HEATR4: variants seen among roughly 807,000 people sequenced by gnomAD.
HEATR4 encodes HEAT repeat containing 4, also known as HEAT repeat-containing protein 4.
Under a neutral mutation model 108.8 loss-of-function variants are expected in HEATR4, and 95 were observed. The ratio of observed to expected loss-of-function variants is 0.87; its 90% CI spans 0.74 to 1.04. The LOEUF (loss-of-function observed/expected upper bound fraction) is 1.04, where lower values mean the gene tolerates loss of function less well. HEATR4 is among the 50% of genes least tolerant of loss of function. The pLI is 0.00. For missense variants in HEATR4, 1,152 were observed against 1,253.8 expected, an observed-to-expected ratio of 0.92 and a Z score of 1.23; for synonymous variants, 443 against 459.4, an observed-to-expected ratio of 0.96 and a Z score of 0.46.
At chr14:73,481,538 G>C (rs1232356840) in intron 17 of HEATR4, among the ~76,000 whole-genome samples, 2 of 149,042 alleles carry the variant, frequency 1.3e-5, no homozygotes, top group Non-Finnish European at 3.0e-5. Flanking sequence ...AAAAGACAAA[G>C]CTATAGAGAT....
chr14:73,513,075 A>G (rs1453654729), intron 6 of HEATR4, among the ~76,000 whole-genome samples: 1 of 152,238 alleles, frequency 6.6e-6, no homozygotes, highest in Admixed American at 6.5e-5. Flanking sequence ...TGCTGATACC[A>G]TAGTCAACTA....
chr14:73,556,926 C>A lies in HEATR4; in HGVS notation c.-152+1825G>T, dbSNP rs1228543652. The stretch of plus-strand genomic sequence containing the variant: ...TACTCAGCAATTAAAAGAGAGGGTG[C>A]TTAGAGAAGAAAGAAAGGACTTATT... On this transcript the variant is annotated intron_variant, in intron 1 of 17. Transcript: ENST00000553558. Among the ~76,000 whole-genome samples, 2 of 112,832 alleles carry A rather than the reference C, an allele frequency of 1.8e-5. 1 individual carries two copies. The highest frequency in any genetic ancestry group is 3.9e-5 in the Non-Finnish European group (2 of 51,686). The allele number at this position is 112,832 out of a possible 152,430, so 74.0% of individuals were successfully genotyped here. A position where few individuals can be genotyped will look rare whatever the true frequency, so the allele number is the denominator to read the frequency against.
chr14:73,589,950 G>C, the HEATR4 span, among the ~76,000 whole-genome samples: 2 of 152,146 alleles, frequency 1.3e-5, no homozygotes, highest in Non-Finnish European at 2.9e-5. Context: ...CTCCTGGTGA[G>C]TTCGTGGTCT....
At chr14:73,574,219 G>A in the HEATR4 span, 4 of 157,548 alleles carry the variant, frequency 2.5e-5, no homozygotes, top group South Asian at 7.2e-4. Flanking sequence ...TTTCCTGCTA[G>A]TAAAGAGATT....
rs74809344 is a variant in HEATR4 at position 73,531,565 on chromosome 14, C to T, written c.-151-1321G>A. Reference sequence around the variant, plus strand: ...CCTCCCATTACAGGCCACACCACCACGCCCCACTAATTGTTGTACTTTTAG... The same window carrying T: ...CCTCCCATTACAGGCCACACCACCATGCCCCACTAATTGTTGTACTTTTAG... On this transcript the variant is annotated intron_variant, in intron 1 of 17. Coordinates refer to ENST00000553558, the MANE Select transcript of HEATR4 (RefSeq NM_001220484.1). Among the ~76,000 whole-genome samples, 10 of 108,420 alleles carry T rather than the reference C, an allele frequency of 9.2e-5. 3 individuals carry two copies. The highest frequency in any genetic ancestry group is 7.8e-4 in the East Asian group (1 of 1,274). The allele number at this position is 108,420 out of a possible 152,430, so 71.1% of individuals were successfully genotyped here.
At chr14:73,613,004 C>G in the HEATR4 span, 1 of 969,180 alleles carries the variant, frequency 1.0e-6, no homozygotes, top group African/African-American at 1.7e-5. Flanking sequence ...GGGCCCGGTG[C>G]GCGCCGCGCT....
chr14:73,576,812 A>AG, the HEATR4 span, among the ~76,000 whole-genome samples: 4 of 148,820 alleles, frequency 2.7e-5, no homozygotes, highest in African/African-American at 9.8e-5. Context: ...AAAAAAAAAA[A>AG]AAAAAAAAGA....
At chr14:73,564,338 G>A in the HEATR4 span, among the ~76,000 whole-genome samples, 1 of 151,254 alleles carries the variant, frequency 6.6e-6, no homozygotes, top group African/African-American at 2.4e-5. Flanking sequence ...GGCCCAGTGT[G>A]GTGGCTCTTG....
intron 1 of HEATR4, among the ~76,000 whole-genome samples, chr14:73,544,157 G>A (rs1216138689): frequency 8.7e-6 from 1 of 114,376 alleles, no homozygotes; most frequent in African/African-American, 2.8e-5. Flanking sequence ...AGCCGGGCGT[G>A]GTGGCGCATG....
chr14:73,611,864 G>A, the HEATR4 span, among the ~76,000 whole-genome samples: 1 of 152,124 alleles, frequency 6.6e-6, no homozygotes, highest in East Asian at 1.9e-4. Flanking sequence ...AAGGGACTGA[G>A]GGGTAAAGGA....
the HEATR4 span, among the ~76,000 whole-genome samples, chr14:73,580,114 A>G: frequency 1.9e-4 from 29 of 151,982 alleles, no homozygotes; most frequent in African/African-American, 6.7e-4. Flanking sequence ...TAAAAAGTAT[A>G]CAAAGTGATG....
intron 12 of HEATR4, among the ~76,000 whole-genome samples, chr14:73,499,874 C>T (rs1886331907): frequency 6.6e-6 from 1 of 152,120 alleles, no homozygotes; most frequent in African/African-American, 2.4e-5. Flanking sequence ...CCAAGCTTGT[C>T]CAACATGTGG....
chr14:73,625,096 G>C, the HEATR4 span, among the ~76,000 whole-genome samples: 1 of 151,992 alleles, frequency 6.6e-6, no homozygotes, highest in Non-Finnish European at 1.5e-5. Flanking sequence ...GTCTTGCTCT[G>C]TTGCCAGGCT....
the HEATR4 span, among the ~76,000 whole-genome samples, chr14:73,597,375 T>G: frequency 4.2e-4 from 63 of 151,660 alleles, 1 homozygote; most frequent in East Asian, 9.6e-3. Flanking sequence ...TGAGCCACCA[T>G]GCCCGGCCAT....
the HEATR4 span, among the ~76,000 whole-genome samples, chr14:73,598,727 G>A: frequency 6.6e-6 from 1 of 152,140 alleles, no homozygotes; most frequent in African/African-American, 2.4e-5. Context: ...ATTAGGCCAG[G>A]CATTGTGGCT....
the HEATR4 span, chr14:73,619,157 T>G: frequency 4.7e-6 from 7 of 1,483,114 alleles, no homozygotes; most frequent in Non-Finnish European, 5.4e-6. Flanking sequence ...GAAAGCTACT[T>G]GGAGAATGTA....
chr14:73,559,850 A>T (rs1191306607), upstream of HEATR4, among the ~76,000 whole-genome samples: 1 of 152,156 alleles, frequency 6.6e-6, no homozygotes, highest in Non-Finnish European at 1.5e-5. Context: ...ACATGACCAC[A>T]TAGTTCTGGC....
intron 1 of HEATR4, among the ~76,000 whole-genome samples, chr14:73,535,458 TTTTCTTC>T (rs869052351): frequency 1.5e-5 from 1 of 65,396 alleles, no homozygotes; most frequent in African/African-American, 4.5e-5. Context: ...TTTCTTTTCT[TTTTCTTC>T]TTTCTTTTTT....
chr14:73,556,229 G>T (rs1384062793), intron 1 of HEATR4, among the ~76,000 whole-genome samples: 5 of 112,416 alleles, frequency 4.4e-5, no homozygotes, highest in African/African-American at 1.4e-4. Flanking sequence ...TTCAAGAGCA[G>T]CATGGCCAAC....
Sources: allele counts gnomAD v4.1 joint callset (sites outside exome capture counted in the v4.1 genomes callset), GRCh38; gene constraint gnomAD v4.1.1; transcripts MANE v1.5; gene names NCBI Gene and HGNC (gene_info 2026-07-23, HGNC 2026-07-21).